Variants in KCNK6 observed in about 807,000 individuals in gnomAD.
KCNK6 encodes the protein potassium two pore domain channel subfamily K member 6.
In KCNK6, 20 loss-of-function variants were observed where a neutral mutation model predicts 21.9. The observed-to-expected ratio is 0.91, with a 90% CI of 0.64 to 1.32. KCNK6 has a LOEUF of 1.32. KCNK6 is among the 40% of genes most tolerant of loss of function. The pLI, the probability that KCNK6 is intolerant of heterozygous loss-of-function variation, is 0.00. For missense variants in KCNK6, 415 were observed against 433.1 expected (o/e 0.96, Z 0.37); for synonymous variants, 210 against 218.0 (o/e 0.96, Z 0.32).
Position 38,331,648 on chromosome 19 carries a change from G to T in KCNK6, c.*4245G>T, listed in dbSNP as rs1394328413. 6.6e-6 allele frequency: 1 copy of T among 151,612 alleles called. No homozygotes were observed. Among genetic ancestry groups the T allele is most frequent in the Non-Finnish European group, 1.5e-5 (1 of 67,906 alleles). 9.4% of individuals were successfully genotyped at this position (151,612 alleles called of 1,614,324 possible). ...TCAGAAAAAAAAAAAAAAGAAAAAA[G>T]TGTGTGCTAAAAAATTCATCAGGTA... On this transcript the variant is annotated 3_prime_UTR_variant, in exon 3 of 3. Transcript: ENST00000263372.
At position 38,328,258 on chromosome 19, in the gene KCNK6, T is replaced by C. The variant is rs185812599; in HGVS notation, c.*855T>C. On this transcript the variant is annotated 3_prime_UTR_variant, in exon 3 of 3. Coordinates refer to ENST00000263372, the MANE Select transcript of KCNK6 (RefSeq NM_004823.3). ...AGGTGTCTCCAGGGAGCAGGACCCA[T>C]GGAGGGACCCCTGGTGTAGGCCTGG... The C allele has an allele frequency of 7.9e-5, 12 of 152,392 alleles. No homozygotes were observed. The highest frequency in any genetic ancestry group is 2.4e-4 in the African/African-American group (10 of 41,562). 9.4% of individuals were successfully genotyped at this position (152,392 alleles called of 1,614,324 possible). A position where few individuals can be genotyped will look rare whatever the true frequency, so the allele number is the denominator to read the frequency against.
At chr19:38,325,615 T>A (rs1468648170) in intron 1 of KCNK6, 1 of 891,414 alleles carries the variant, frequency 1.1e-6, no homozygotes, top group Admixed American at 6.2e-5. Flanking sequence ...TTAAGTGCTA[T>A]GGGAAAAAAA....
At chr19:38,324,937 T>C (rs1012470521) in intron 1 of KCNK6, 1 of 151,936 alleles carries the variant, frequency 6.6e-6, no homozygotes, top group Non-Finnish European at 1.5e-5. Context: ...AAAATACACA[T>C]AACATAAAAT....
intron 2 of KCNK6, 77 bp from the exon 3 acceptor site, chr19:38,327,103 A>G (rs373116587): frequency 6.3e-7 from 1 of 1,577,862 alleles, no homozygotes; most frequent in South Asian, 1.1e-5. Context: ...CCCACCCTGC[A>G]GGGTCCAGTA....
rs1275608674 is a variant in KCNK6, at chr19:38,319,867, A to C, written c.-84A>C. ...GCTGCCGCGCCTGTAGCACTCCCGGAACTGGAACTAGGTGCCAGACGGTCC... is the reference window on the plus strand; with the variant it reads ...GCTGCCGCGCCTGTAGCACTCCCGGCACTGGAACTAGGTGCCAGACGGTCC... On this transcript the variant is annotated 5_prime_UTR_variant, in exon 1 of 3. Transcript: ENST00000263372. The C allele has an allele frequency of 2.4e-6, 3 of 1,273,374 alleles. No homozygotes were observed. Among genetic ancestry groups the C allele is most frequent in the Non-Finnish European group, 3.0e-6 (3 of 992,444 alleles). The allele number at this position is 1,273,374 out of a possible 1,614,324, so 78.9% of individuals were successfully genotyped here. A position where few individuals can be genotyped will look rare whatever the true frequency, so the allele number is the denominator to read the frequency against.
At chr19:38,322,397 G>A (rs1969660735) in intron 1 of KCNK6, among the ~76,000 whole-genome samples, 1 of 152,232 alleles carries the variant, frequency 6.6e-6, no homozygotes, top group Admixed American at 6.5e-5. Flanking sequence ...TGGCTAACAA[G>A]TAGAATAAGG....
intron 1 of KCNK6, chr19:38,325,156 A>G (rs1969695053): frequency 6.7e-6 from 1 of 149,892 alleles, no homozygotes; most frequent in Non-Finnish European, 1.5e-5. Context: ...TTGCTCTGTC[A>G]CCCAGGCTGG....
At position 38,326,792 on chromosome 19, in the gene KCNK6, G is replaced by A. The variant is rs769952271; in HGVS notation, c.522G>A (p.Val174=). ...DPRRAACWHL[V]ALLGVVVTVC... ...GGCGGGCGGCCTGCTGGCACTTGGT[G>A]GCCCTGTTGGGGGTCGTAGTGACCG... is the stretch of plus-strand genomic sequence containing the variant. The change falls in exon 2 of 3, where the codon GTG becomes GTA. Residue 174 remains valine (V), a synonymous_variant. Coordinates refer to ENST00000263372, the MANE Select transcript of KCNK6 (RefSeq NM_004823.3). The A allele has an allele frequency of 1.0e-5, 16 of 1,606,140 alleles. No homozygotes were observed. The highest frequency in any genetic ancestry group is 1.4e-5 in the Non-Finnish European group (16 of 1,179,988).
chr19:38,320,231 C>T lies in KCNK6; in HGVS notation c.281C>T (p.Ala94Val), dbSNP rs1428803857. ...ANASDPAWDFASALFFASTLI... is the reference protein window; with the variant it reads ...ANASDPAWDFVSALFFASTLI... ...GCCTCGGACCCCGCCTGGGACTTCG[C>T]CTCTGCTCTCTTCTTCGCCAGCACG... The change falls in exon 1 of 3, where the codon GCC becomes GTC. Residue 94 changes from alanine (A) to valine (V), a missense_variant. Transcript: ENST00000263372. 1.9e-6 allele frequency: 3 copies of T among 1,605,562 alleles called. No individual in the cohort carries two copies. The highest frequency in any genetic ancestry group is 4.5e-5 in the East Asian group (2 of 44,820).
In KCNK6 at chr19:38,326,609, G is replaced by A. The variant is rs774603954; in HGVS notation, c.339G>A (p.Thr113=). 1.9e-5 allele frequency: 30 copies of A among 1,610,520 alleles called. No individual in the cohort carries two copies. Among genetic ancestry groups the A allele is most frequent in the Middle Eastern group, 3.3e-4 (2 of 6,078 alleles). Residue 113 remains threonine, a synonymous_variant, in exon 2 of 3, where the codon ACG becomes ACA. Transcript: ENST00000263372. The part of the protein sequence containing the change: ...LITTVGYGYT[T]PLTDAGKAFS... ...CTCCCCTAGGCTATGGGTACACAAC[G>A]CCACTGACTGATGCGGGCAAGGCCT...
intron 1 of KCNK6, among the ~76,000 whole-genome samples, chr19:38,321,910 CT>C (rs1286579701): frequency 2.0e-5 from 3 of 152,254 alleles, no homozygotes; most frequent in Non-Finnish European, 4.4e-5. Flanking sequence ...CACAGCCTGG[CT>C]ACATCCCTGC....
At chr19:38,325,635 T>G in intron 1 of KCNK6, 1 of 703,602 alleles carries the variant, frequency 1.4e-6, no homozygotes, top group Non-Finnish European at 1.7e-6. Context: ...AAGTGTTGGG[T>G]AAGAGGATGT....
chr19:38,327,034 G>T, intron 2 of KCNK6, 46 bp downstream of exon 2: 2 of 1,567,450 alleles, frequency 1.3e-6, no homozygotes, highest in Non-Finnish European at 1.7e-6. Flanking sequence ...ACCTAGCCCT[G>T]TCCCTGGGGG....
chr19:38,320,394 C>T (rs1969637427), intron 1 of KCNK6, 122 bp downstream of exon 1: 5 of 1,044,254 alleles, frequency 4.8e-6, no homozygotes, highest in East Asian at 2.8e-5. Context: ...CTTCGGATCC[C>T]CCGAAAAGAC....
rs767803813 is a variant in KCNK6, at chr19:38,320,287, C to A, written c.322+15C>A. 6.2e-7 allele frequency: 1 copy of A among 1,604,156 alleles called. No homozygotes were observed. Among genetic ancestry groups the A allele is most frequent in the East Asian group, 2.2e-5 (1 of 44,546 alleles). On this transcript the variant is annotated intron_variant, in intron 1 of 2. Transcript: ENST00000263372. ...CACCACCGTGGGTACGTAAGCGCCT[C>A]ACCGCAAGGCGGCGAGGACCCGGGA...
At position 38,319,917 on chromosome 19, in the gene KCNK6, G is replaced by A. The variant is rs758483018; in HGVS notation, c.-34G>A. On this transcript the variant is annotated 5_prime_UTR_variant, in exon 1 of 3. Coordinates refer to ENST00000263372, the MANE Select transcript of KCNK6 (RefSeq NM_004823.3). ...CGGAGGCGGGGGCCACGTCAGCGGGGCCACCCAGGGCTCGCGGGGTCCCGG... is the reference window on the plus strand; with the variant it reads ...CGGAGGCGGGGGCCACGTCAGCGGGACCACCCAGGGCTCGCGGGGTCCCGG... 13 of 1,381,928 alleles carry A rather than the reference G, an allele frequency of 9.4e-6. No individual in the cohort carries two copies. The South Asian group carries it at 1.8e-4, about 19-fold the overall frequency. The allele number at this position is 1,381,928 out of a possible 1,614,324, so 85.6% of individuals were successfully genotyped here.
chr19:38,323,470 G>A (rs987002166), intron 1 of KCNK6, among the ~76,000 whole-genome samples: 8 of 152,210 alleles, frequency 5.3e-5, no homozygotes, highest in Non-Finnish European at 8.8e-5. Flanking sequence ...AGGAGGAAGC[G>A]GGTAGTCCTA....
In KCNK6 at chr19:38,319,899, G is replaced by A. The variant is rs1267540531; in HGVS notation, c.-52G>A. 6 of 1,362,118 alleles carry A rather than the reference G, an allele frequency of 4.4e-6. No homozygotes were observed. The East Asian group carries it at 1.8e-4, about 42-fold the overall frequency. The allele number at this position is 1,362,118 out of a possible 1,614,324, so 84.4% of individuals were successfully genotyped here. A position where few individuals can be genotyped will look rare whatever the true frequency, so the allele number is the denominator to read the frequency against. ...ACTAGGTGCCAGACGGTCCGGAGGC[G>A]GGGGCCACGTCAGCGGGGCCACCCA... On this transcript the variant is annotated 5_prime_UTR_variant, in exon 1 of 3. Transcript: ENST00000263372.
chr19:38,322,848 C>T (rs928843744), intron 1 of KCNK6, among the ~76,000 whole-genome samples: 5 of 148,186 alleles, frequency 3.4e-5, no homozygotes, highest in Non-Finnish European at 7.5e-5. Flanking sequence ...CAAGTTGGCT[C>T]ACGCCTGGAA....
Sources: allele counts gnomAD v4.1 joint callset (sites outside exome capture counted in the v4.1 genomes callset), GRCh38; gene constraint gnomAD v4.1.1; transcripts MANE v1.5; gene names NCBI Gene and HGNC (gene_info 2026-07-23, HGNC 2026-07-21).